Variants in CEP152 observed in about 807,000 individuals in gnomAD.
CEP152 encodes centrosomal protein 152.
In CEP152, 132 loss-of-function variants were observed where a neutral mutation model predicts 188.9. The observed-to-expected ratio is 0.70, with a 90% CI of 0.61 to 0.81. The LOEUF is 0.81. Ranked by LOEUF, CEP152 falls within the 30% of genes least tolerant of loss-of-function variation. The pLI is 0.00. For synonymous variants in CEP152, 649 were observed against 666.6 expected (o/e 0.97, Z 0.41); for missense variants, 1,914 against 1,969.8 (o/e 0.97, Z 0.54).
chr15:48,749,882 T>C (rs1163249425), intron 21 of CEP152, among the ~76,000 whole-genome samples: 1 of 152,008 alleles, frequency 6.6e-6, no homozygotes, highest in Non-Finnish European at 1.5e-5. Context: ...TTGACAAAAT[T>C]AGAATACAAC....
intron 26 of CEP152, 107 bp from the exon 27 acceptor site, chr15:48,739,395 G>A: frequency 1.4e-6 from 2 of 1,402,978 alleles, no homozygotes; most frequent in Non-Finnish European, 1.9e-6. Context: ...AAAAATTTAT[G>A]TTTTTATACT....
intron 9 of CEP152, among the ~76,000 whole-genome samples, chr15:48,785,966 G>A (rs571587816): frequency 5.3e-5 from 8 of 152,018 alleles, no homozygotes; most frequent in Non-Finnish European, 1.0e-4. Flanking sequence ...CTGAATCTGT[G>A]GGAGGGAAAA....
intron 8 of CEP152, among the ~76,000 whole-genome samples, chr15:48,790,096 C>T (rs1276029185): frequency 6.6e-6 from 1 of 152,170 alleles, no homozygotes; most frequent in Non-Finnish European, 1.5e-5. Flanking sequence ...ACATTACATA[C>T]AAAAATTAAA....
At chr15:48,805,842 T>C (rs1055551123) in intron 1 of CEP152, among the ~76,000 whole-genome samples, 186 bp from the exon 2 acceptor site, 58 of 152,284 alleles carry the variant, frequency 3.8e-4, no homozygotes, top group African/African-American at 1.3e-3. Flanking sequence ...ATGACAGCAA[T>C]TCATGGAAAA....
chr15:48,793,538 A>G (rs1897116592), intron 6 of CEP152, 77 bp from the exon 7 acceptor site: 1 of 1,284,864 alleles, frequency 7.8e-7, no homozygotes, highest in African/African-American at 1.5e-5. Context: ...AGTGTTTTTC[A>G]AACTGTGACT....
intron 17 of CEP152, among the ~76,000 whole-genome samples, chr15:48,763,034 T>C (rs1291572515): frequency 3.3e-5 from 5 of 151,760 alleles, no homozygotes; most frequent in African/African-American, 9.7e-5. Context: ...ATCAACACCA[T>C]GCTCTCCACA....
chr15:48,742,435 T>C (rs1566975102), intron 24 of CEP152, among the ~76,000 whole-genome samples: 1 of 152,112 alleles, frequency 6.6e-6, no homozygotes, highest in Non-Finnish European at 1.5e-5. Flanking sequence ...ATTTCAATTG[T>C]ACATTATGTC....
intron 17 of CEP152, among the ~76,000 whole-genome samples, chr15:48,763,364 C>G (rs540816675): frequency 1.4e-4 from 21 of 152,154 alleles, no homozygotes; most frequent in Non-Finnish European, 2.1e-4. Flanking sequence ...AATTAATAGC[C>G]ATTTTGTAGA....
chr15:48,765,306 T>C (rs924210390), intron 17 of CEP152, among the ~76,000 whole-genome samples: 9 of 152,338 alleles, frequency 5.9e-5, no homozygotes, highest in African/African-American at 1.9e-4. Flanking sequence ...TAAAGGTTTA[T>C]AGAACTATAC....
intron 24 of CEP152, 75 bp from the exon 25 acceptor site, chr15:48,742,175 C>T: frequency 7.5e-7 from 1 of 1,331,058 alleles, no homozygotes; most frequent in South Asian, 1.2e-5. Context: ...GGGCAGACTT[C>T]AGATCAATTT....
chr15:48,778,675 C>T (rs1432308040), intron 12 of CEP152, among the ~76,000 whole-genome samples: 6 of 152,042 alleles, frequency 3.9e-5, no homozygotes, highest in Non-Finnish European at 7.4e-5. Flanking sequence ...GGAGGCCGGG[C>T]GCGGTGGCTG....
chr15:48,739,110 C>G lies in CEP152; in HGVS notation c.4272G>C (p.Glu1424Asp). Residue 1424 changes from glutamate to aspartate, a missense_variant, in exon 27 of 27, where the codon GAG (glutamate) becomes GAC (aspartate). Physicochemically the swap from Glu to Asp is conservative, Grantham distance 45 (BLOSUM62 2). Transcript: ENST00000380950. ...RAACNLQRLL[E>D]NSEHQSIKHV... The stretch of plus-strand genomic sequence containing the variant: ...GCTTTATGCTCTGATGCTCTGAGTT[C>G]TCTAACAGCCTTTGTAAGTTACAAG... 1 of 1,614,200 alleles carries G rather than the reference C, an allele frequency of 6.2e-7. No homozygotes were observed. The highest frequency in any genetic ancestry group is 1.1e-5 in the South Asian group (1 of 91,084).
At position 48,744,948 on chromosome 15, in the gene CEP152, C is replaced by T. The variant is rs753870325; in HGVS notation, c.3679G>A (p.Asp1227Asn). 1.1e-5 allele frequency: 17 copies of T among 1,610,758 alleles called. No homozygotes were observed. The highest frequency in any genetic ancestry group is 8.9e-5 in the South Asian group (8 of 90,388). ...VVEELIEENN[D>N]MKNKLEELQT... ...AATTCTTCCAATTTATTCTTCATGTCGTTGTTTTCTTCTATTAATTCTTCA... is the reference window on the plus strand; with the variant it reads ...AATTCTTCCAATTTATTCTTCATGTTGTTGTTTTCTTCTATTAATTCTTCA... Residue 1227 changes from aspartate to asparagine, a missense_variant, in exon 23 of 27, where the codon GAC becomes AAC. Coordinates refer to ENST00000380950, the MANE Select transcript of CEP152 (RefSeq NM_001194998.2).
At chr15:48,745,895 T>G (rs974666745) in intron 22 of CEP152, among the ~76,000 whole-genome samples, 5 of 152,138 alleles carry the variant, frequency 3.3e-5, no homozygotes, top group Admixed American at 2.0e-4. Context: ...AAACAACAAA[T>G]GCACAACACC....
Position 48,738,461 on chromosome 15 carries a change from A to T in CEP152, c.4921T>A (p.Ser1641Thr). 6.2e-7 allele frequency: 1 copy of T among 1,614,192 alleles called. No homozygotes were observed. The highest frequency in any genetic ancestry group is 8.5e-7 in the Non-Finnish European group (1 of 1,180,020). ...GGCTCCAAATACGTGGTTTCTTCTG[A>T]CAGGTATGGAGTTTGATAACGCTGA... The part of the protein sequence containing the change: ...KCQRYQTPYL[S>T]EETTYLEPGK... Residue 1641 changes from serine to threonine, a missense_variant, in exon 27 of 27, where the codon TCA becomes ACA. Ser to Thr is a moderately conservative substitution (Grantham distance 58, BLOSUM62 1). Coordinates refer to ENST00000380950, the MANE Select transcript of CEP152 (RefSeq NM_001194998.2).
chr15:48,764,734 A>C (rs1894934991), intron 17 of CEP152, among the ~76,000 whole-genome samples: 1 of 152,174 alleles, frequency 6.6e-6, no homozygotes, highest in Admixed American at 6.5e-5. Flanking sequence ...AAAAGCTTTA[A>C]AACTTGGAAT....
At chr15:48,797,163 G>C (rs1897347724) in intron 5 of CEP152, 138 bp downstream of exon 5, 1 of 917,596 alleles carries the variant, frequency 1.1e-6, no homozygotes, top group Non-Finnish European at 1.7e-6. Flanking sequence ...CCATGAACCT[G>C]AATAAGTGCC....
In CEP152 at chr15:48,738,857, T is replaced by A. The variant is rs587783425; in HGVS notation, c.4525A>T (p.Arg1509Ter). 6.2e-7 allele frequency: 1 copy of A among 1,614,212 alleles called. No individual in the cohort carries two copies. The highest frequency in any genetic ancestry group is 8.5e-7 in the Non-Finnish European group (1 of 1,180,022). Reference sequence around the variant, plus strand: ...GATTCAGAAGGACCAGGGGTACATCTAGGTGAGGGTTTATTTCCTAAGGTT... The same window carrying A: ...GATTCAGAAGGACCAGGGGTACATCAAGGTGAGGGTTTATTTCCTAAGGTT... ...LGTLGNKPSPRCTPGPSESGC... is the reference protein window; with the variant it reads ...LGTLGNKPSP The change falls in exon 27 of 27, where the codon AGA (arginine) becomes TGA (stop). Residue 1509 changes from arginine to a stop codon, truncating the protein, a stop_gained. Transcript: ENST00000380950. LOFTEE classifies it low-confidence loss of function (END_TRUNC).
Position 48,741,612 on chromosome 15 carries a change from G to A in CEP152, c.4082C>T (p.Thr1361Ile), listed in dbSNP as rs56674106. Residue 1361 changes from threonine (T) to isoleucine (I), a missense_variant, in exon 26 of 27, where the codon ACT (threonine) becomes ATT (isoleucine). Physicochemically the swap from Thr to Ile is moderately conservative, Grantham distance 89 (BLOSUM62 -1). Transcript: ENST00000380950. ...TCACTTTGACATACCTGACTGTGTA[G>A]TTTTGCTTTGGGACTTACTAGAAAT... ...TPISSKSQSK[T>I]TQSALPLTSE... 4 of 1,614,128 alleles carry A rather than the reference G, an allele frequency of 2.5e-6. No homozygotes were observed. The South Asian group carries it at 4.4e-5, about 18-fold the overall frequency.
Sources: allele counts gnomAD v4.1 joint callset (sites outside exome capture counted in the v4.1 genomes callset), GRCh38; gene constraint gnomAD v4.1.1; transcripts MANE v1.5; gene names NCBI Gene and HGNC (gene_info 2026-07-23, HGNC 2026-07-21).